The following CSMD1 variants were observed in gnomAD, a reference collection of about 807,000 sequenced individuals.
The protein encoded by CSMD1 is CUB and Sushi multiple domains 1.
In CSMD1, 213 loss-of-function variants were observed where a neutral mutation model predicts 417.5. That is an observed-to-expected ratio of 0.51 (90% CI 0.46 to 0.57). The LOEUF (loss-of-function observed/expected upper bound fraction) is 0.57. CSMD1 is among the 20% of genes least tolerant of loss of function. CSMD1 has a pLI of 0.00. For missense variants in CSMD1, 6,923 were observed against 4,529.7 expected, an observed-to-expected ratio of 1.53 and a Z score of -15.17; for synonymous variants, 2,862 against 1,736.8, an observed-to-expected ratio of 1.65 and a Z score of -16.11.
In CSMD1 at chr8:3,614,267, G is replaced by C. The variant is rs548734332; in HGVS notation, c.1097+2443C>G. Among the ~76,000 whole-genome samples, 13 of 152,112 alleles carry C rather than the reference G, an allele frequency of 8.5e-5. No homozygotes were observed. The South Asian group carries it at 1.2e-3, about 15-fold the overall frequency. Reference sequence around the variant, plus strand: ...AAGTGACAGATTGAAATTCTCTTCTGAGATAAGATTCTACAGAAACCTTAT... The same window carrying C: ...AAGTGACAGATTGAAATTCTCTTCTCAGATAAGATTCTACAGAAACCTTAT... On this transcript the variant is annotated intron_variant, in intron 8 of 69. Coordinates refer to ENST00000635120, the MANE Select transcript of CSMD1 (RefSeq NM_033225.6).
At chr8:4,296,699 T>TTC (rs1554520864) in intron 3 of CSMD1, among the ~76,000 whole-genome samples, 1 of 148,742 alleles carries the variant, frequency 6.7e-6, no homozygotes, top group Non-Finnish European at 1.5e-5. Flanking sequence ...AATAAGGGTT[T>TTC]TTTTTTTTTT....
At chr8:4,605,403 G>A (rs1331006973) in intron 2 of CSMD1, among the ~76,000 whole-genome samples, 1 of 152,098 alleles carries the variant, frequency 6.6e-6, no homozygotes, top group Non-Finnish European at 1.5e-5. Context: ...ATAAAGAATT[G>A]GAGGACCACT....
At chr8:3,656,588 C>G (rs567082030) in intron 7 of CSMD1, among the ~76,000 whole-genome samples, 1 of 152,098 alleles carries the variant, frequency 6.6e-6, no homozygotes, top group African/African-American at 2.4e-5. Context: ...TCTTACGAAG[C>G]CCTTTACTCT....
At chr8:4,246,996 A>G (rs1055915696) in intron 3 of CSMD1, among the ~76,000 whole-genome samples, 4 of 152,242 alleles carry the variant, frequency 2.6e-5, no homozygotes, top group Admixed American at 1.3e-4. Flanking sequence ...TGTATTATTT[A>G]TAAAACACTC....
At chr8:4,576,467 G>A (rs1046672834) in intron 2 of CSMD1, among the ~76,000 whole-genome samples, 1 of 152,128 alleles carries the variant, frequency 6.6e-6, no homozygotes, top group African/African-American at 2.4e-5. Flanking sequence ...CGTTTGGCTG[G>A]AAGGTATATA....
intron 12 of CSMD1, among the ~76,000 whole-genome samples, chr8:3,460,396 C>A (rs1055492258): frequency 6.6e-6 from 1 of 152,126 alleles, no homozygotes; most frequent in Non-Finnish European, 1.5e-5. Flanking sequence ...AACCACTTTA[C>A]AGAATATTCT....
In CSMD1 at chr8:3,961,032, A is replaced by G. The variant is rs563731622; in HGVS notation, c.818+36871T>C. On this transcript the variant is annotated intron_variant, in intron 5 of 69. Transcript: ENST00000635120. ...ATAAATTGTACAATTCCCATTTTAA[A>G]AAAGAGGAAAAGATAATTCAGAAAT... Among the ~76,000 whole-genome samples, 10 of 152,192 alleles carry G rather than the reference A, an allele frequency of 6.6e-5. No homozygotes were observed. The South Asian group carries it at 2.1e-3, about 32-fold the overall frequency.
chr8:3,323,211 A>C (rs1806269930), intron 23 of CSMD1, among the ~76,000 whole-genome samples: 1 of 152,218 alleles, frequency 6.6e-6, no homozygotes, highest in Non-Finnish European at 1.5e-5. Flanking sequence ...GGTTCACATC[A>C]CAGCAAGATT....
chr8:3,166,618 T>C (rs17079516), intron 37 of CSMD1, among the ~76,000 whole-genome samples: 5 of 152,064 alleles, frequency 3.3e-5, no homozygotes, highest in Admixed American at 6.6e-5. Flanking sequence ...GATGTTTGCA[T>C]TGATTGAAAG....
chr8:4,743,174 A>C (rs1810733532), intron 1 of CSMD1, among the ~76,000 whole-genome samples: 2 of 152,230 alleles, frequency 1.3e-5, no homozygotes, highest in African/African-American at 4.8e-5. Context: ...TTTTAGACAT[A>C]ATCTATTTCA....
At chr8:4,268,078 A>G (rs1051035490) in intron 3 of CSMD1, among the ~76,000 whole-genome samples, 8 of 152,142 alleles carry the variant, frequency 5.3e-5, no homozygotes, top group African/African-American at 1.9e-4. Flanking sequence ...CGCAATCCAC[A>G]AATTGAAACA....
chr8:4,366,405 C>G (rs73508668), intron 3 of CSMD1, among the ~76,000 whole-genome samples: 6,827 of 152,208 alleles, frequency 0.045, 371 homozygotes, highest in African/African-American at 0.13. Flanking sequence ...ATGCACGTGT[C>G]TTTTTGACAG....
chr8:3,290,132 G>C (rs1309843973), intron 25 of CSMD1, among the ~76,000 whole-genome samples: 2 of 146,724 alleles, frequency 1.4e-5, no homozygotes, highest in African/African-American at 2.7e-5. Context: ...AGATCAGATA[G>C]TTGTAGATAT....
At chr8:4,612,086 G>T (rs548490311) in intron 2 of CSMD1, among the ~76,000 whole-genome samples, 2 of 152,110 alleles carry the variant, frequency 1.3e-5, no homozygotes, top group Non-Finnish European at 2.9e-5. Context: ...AAGAGTGCTG[G>T]GAAGAGGAGG....
At chr8:3,276,738 T>G (rs111989175) in intron 26 of CSMD1, among the ~76,000 whole-genome samples, 73 of 152,296 alleles carry the variant, frequency 4.8e-4, no homozygotes, top group African/African-American at 1.7e-3. Flanking sequence ...CAAAGCATAT[T>G]GTTTACAGTA....
intron 1 of CSMD1, among the ~76,000 whole-genome samples, chr8:4,818,356 A>T (rs1799323086): frequency 6.6e-6 from 1 of 152,212 alleles, no homozygotes. Flanking sequence ...GCCACAGTTT[A>T]ATGTTCCTTC....
At chr8:3,262,232 C>CTATATATATATAT (rs1801135129) in intron 26 of CSMD1, among the ~76,000 whole-genome samples, 16 of 102,194 alleles carry the variant, frequency 1.6e-4, no homozygotes, top group African/African-American at 6.5e-4. Flanking sequence ...TATATATATA[C>CTATATATATATAT]ACACACATAG....
At chr8:3,526,252 G>C (rs866941913) in intron 10 of CSMD1, among the ~76,000 whole-genome samples, 1 of 151,844 alleles carries the variant, frequency 6.6e-6, no homozygotes, top group African/African-American at 2.4e-5. Flanking sequence ...AATATAAATT[G>C]TCTTAAAATA....
chr8:3,774,042 T>A (rs1322639757), intron 5 of CSMD1, among the ~76,000 whole-genome samples: 3 of 152,164 alleles, frequency 2.0e-5, no homozygotes, highest in Admixed American at 1.3e-4. Context: ...CTTTCATTCT[T>A]GGGCTTTTGC....
Sources: allele counts gnomAD v4.1 joint callset (sites outside exome capture counted in the v4.1 genomes callset), GRCh38; gene constraint gnomAD v4.1.1; transcripts MANE v1.5; gene names NCBI Gene and HGNC (gene_info 2026-07-23, HGNC 2026-07-21).